The following CSMD2 variants were observed in gnomAD, a reference collection of about 807,000 sequenced individuals.
CSMD2 encodes the protein CUB and sushi domain-containing protein 2.
A neutral mutation model predicts 398.5 loss-of-function variants in CSMD2; 130 were observed. The observed-to-expected ratio is 0.33, with a 90% CI of 0.28 to 0.38. The LOEUF is 0.38. CSMD2 is among the 10% of genes least tolerant of loss of function. The pLI, the probability that CSMD2 is intolerant of heterozygous loss-of-function variation, is 1.00. For missense variants in CSMD2, 3,829 were observed against 4,764.9 expected, an observed-to-expected ratio of 0.80 and a Z score of 5.78; for synonymous variants, 1,828 against 1,908.5, an observed-to-expected ratio of 0.96 and a Z score of 1.10.
intron 2 of CSMD2, among the ~76,000 whole-genome samples, chr1:34,065,193 G>A (rs1045749435): frequency 5.3e-5 from 8 of 152,148 alleles, no homozygotes; most frequent in Non-Finnish European, 1.2e-4. Context: ...AACTCTGAGA[G>A]TGTCTTACAG....
At chr1:34,127,096 T>C (rs1662823844) in intron 1 of CSMD2, among the ~76,000 whole-genome samples, 2 of 151,400 alleles carry the variant, frequency 1.3e-5, no homozygotes, top group Admixed American at 6.6e-5. Context: ...AGAGACCAGA[T>C]AGGGATAGCG....
At chr1:33,588,399 T>C (rs1205648318) in intron 44 of CSMD2, among the ~76,000 whole-genome samples, 1 of 152,178 alleles carries the variant, frequency 6.6e-6, no homozygotes, top group Non-Finnish European at 1.5e-5. Flanking sequence ...TTCTTTTTCT[T>C]TTTTAACTAG....
rs79348935 is a variant in CSMD2, at chr1:33,598,104, T to G, written c.6856+2761A>C. Among the ~76,000 whole-genome samples, 6 of 152,264 alleles carry G rather than the reference T, an allele frequency of 3.9e-5. No homozygotes were observed. In the East Asian group the frequency reaches 1.2e-3, roughly 29 times the overall value. ...AATATTAACCAAAAGTACAGGATCATGGTTAACTCTCAGGGTAGGGTAGGG... is the reference window on the plus strand; with the variant it reads ...AATATTAACCAAAAGTACAGGATCAGGGTTAACTCTCAGGGTAGGGTAGGG... On this transcript the variant is annotated intron_variant, in intron 44 of 70. Coordinates refer to ENST00000373381, the MANE Select transcript of CSMD2 (RefSeq NM_001281956.2).
intron 1 of CSMD2, among the ~76,000 whole-genome samples, chr1:34,114,561 C>T (rs1661425095): frequency 6.6e-6 from 1 of 151,996 alleles, no homozygotes; most frequent in South Asian, 2.1e-4. Flanking sequence ...ATTAGCTGGG[C>T]ATAGTGGTAC....
intron 3 of CSMD2, among the ~76,000 whole-genome samples, chr1:33,938,059 T>C (rs1197800946): frequency 2.0e-5 from 3 of 152,266 alleles, no homozygotes. Context: ...AAATTCATTG[T>C]GGGCTTACCG....
chr1:33,965,870 T>C (rs79316216), intron 3 of CSMD2, among the ~76,000 whole-genome samples: 8,743 of 152,236 alleles, frequency 0.057, 609 homozygotes, highest in African/African-American at 0.16. Context: ...GCACATCCTT[T>C]CCATAAGCCA....
intron 13 of CSMD2, among the ~76,000 whole-genome samples, chr1:33,764,235 T>A (rs1187357501): frequency 6.6e-6 from 1 of 152,150 alleles, no homozygotes; most frequent in East Asian, 1.9e-4. Flanking sequence ...CATTCCTTCA[T>A]CCAGGGTCAG....
At chr1:34,082,169 C>T (rs1257505793) in intron 2 of CSMD2, among the ~76,000 whole-genome samples, 12 of 147,730 alleles carry the variant, frequency 8.1e-5, no homozygotes, top group Admixed American at 4.7e-4. Flanking sequence ...CCGGCCGCCC[C>T]GTCTGGGAGG....
At chr1:33,782,612 GGTAAAGTGGA>G (rs1652924917) in intron 12 of CSMD2, among the ~76,000 whole-genome samples, 1 of 152,134 alleles carries the variant, frequency 6.6e-6, no homozygotes, top group African/African-American at 2.4e-5. Flanking sequence ...CTAGGAAGGT[GGTAAAGTGGA>G]CCAAAAGGGA....
At chr1:34,087,837 C>T (rs922736151) in intron 2 of CSMD2, among the ~76,000 whole-genome samples, 2 of 152,054 alleles carry the variant, frequency 1.3e-5, no homozygotes, top group African/African-American at 4.8e-5. Flanking sequence ...TAATAGGTAC[C>T]CATGAAATAT....
At chr1:33,989,755 T>C (rs1375398516) in intron 3 of CSMD2, among the ~76,000 whole-genome samples, 1 of 152,158 alleles carries the variant, frequency 6.6e-6, no homozygotes. Flanking sequence ...ATGATTACAC[T>C]GTACGATTTT....
chr1:33,533,311 T>C lies in CSMD2; in HGVS notation c.9992-82A>G, dbSNP rs1655433649. 1 of 1,221,656 alleles carries C rather than the reference T, an allele frequency of 8.2e-7. No individual in the cohort carries two copies. Among genetic ancestry groups the C allele is most frequent in the African/African-American group, 1.5e-5 (1 of 66,186 alleles). 75.7% of individuals were successfully genotyped at this position (1,221,656 alleles called of 1,614,324 possible). A position where few individuals can be genotyped will look rare whatever the true frequency, so the allele number is the denominator to read the frequency against. ...TTTCGACCATTCCCCTGTTCCTAGA[T>C]AGAATATCCTCTTCCTTTCCCTTCC... is the stretch of plus-strand genomic sequence containing the variant. On this transcript the variant is annotated intron_variant, in intron 63 of 70. Coordinates refer to ENST00000373381, the MANE Select transcript of CSMD2 (RefSeq NM_001281956.2). The surrounding 1 kb of genome is among the most constrained non-coding windows in gnomAD (Gnocchi z 4.2).
At chr1:33,691,787 C>A (rs1217221305) in intron 25 of CSMD2, among the ~76,000 whole-genome samples, 1 of 152,196 alleles carries the variant, frequency 6.6e-6, no homozygotes, top group Non-Finnish European at 1.5e-5. Context: ...TGGTCCATAA[C>A]CAGGCTATAC....
intron 44 of CSMD2, among the ~76,000 whole-genome samples, chr1:33,593,424 A>G (rs1252630127): frequency 1.3e-5 from 2 of 152,358 alleles, no homozygotes; most frequent in East Asian, 1.9e-4. Context: ...TGGACTTACA[A>G]TTCCACGTGG....
intron 25 of CSMD2, among the ~76,000 whole-genome samples, chr1:33,673,006 TG>T (rs1049501868): frequency 6.6e-6 from 1 of 151,394 alleles, no homozygotes; most frequent in African/African-American, 2.4e-5. Context: ...ACCACAAAGA[TG>T]GGGAAAAAAC....
intron 1 of CSMD2, among the ~76,000 whole-genome samples, chr1:34,142,301 T>G (rs1435094177): frequency 2.0e-5 from 3 of 152,078 alleles, no homozygotes; most frequent in Non-Finnish European, 4.4e-5. Context: ...AGATGAACGG[T>G]CTGCAGGATC....
In CSMD2 at chr1:33,540,692, A is replaced by G. The variant is rs775912886; in HGVS notation, c.9464T>C (p.Met3155Thr). Reference protein sequence around the residue: ...NGTKPVCKALMCKPPPLIPNG... With the variant: ...NGTKPVCKALTCKPPPLIPNG... ...GGGGATGAGCGGAGGTGGCTTGCACATGAGAGCTGGAGGGAGACCAAAGCA... is the reference window on the plus strand; with the variant it reads ...GGGGATGAGCGGAGGTGGCTTGCACGTGAGAGCTGGAGGGAGACCAAAGCA... Residue 3155 changes from methionine (M) to threonine (T), a missense_variant, in exon 60 of 71, where the codon ATG (methionine) becomes ACG (threonine). Met to Thr is a moderately conservative substitution (Grantham distance 81). Transcript: ENST00000373381. 6.2e-7 allele frequency: 1 copy of G among 1,614,050 alleles called. No homozygotes were observed. The highest frequency in any genetic ancestry group is 8.5e-7 in the Non-Finnish European group (1 of 1,180,016).
upstream of CSMD2, chr1:34,165,237 A>C: frequency 8.5e-7 from 1 of 1,174,294 alleles, no homozygotes; most frequent in Non-Finnish European, 1.1e-6. Context: ...GAATGAACCA[A>C]GTGTCCGCCC....
At chr1:34,132,870 T>A (rs372902287) in intron 1 of CSMD2, among the ~76,000 whole-genome samples, 1 of 152,156 alleles carries the variant, frequency 6.6e-6, no homozygotes, top group East Asian at 1.9e-4. Context: ...GTCTGCAGCT[T>A]ACAGGTGGCA....
Sources: allele counts gnomAD v4.1 joint callset (sites outside exome capture counted in the v4.1 genomes callset), GRCh38; gene constraint gnomAD v4.1.1; non-coding constraint Gnocchi (gnomAD v3.1); transcripts MANE v1.5; gene names NCBI Gene and HGNC (gene_info 2026-07-23, HGNC 2026-07-21).